Variants in SORCS2 observed in about 807,000 individuals in gnomAD.
SORCS2 encodes sortilin related VPS10 domain containing receptor 2.
Under a neutral mutation model 141.6 loss-of-function variants are expected in SORCS2, and 100 were observed. That is an observed-to-expected ratio of 0.71 (90% CI 0.60 to 0.83). The LOEUF is 0.83. Among genes scored for constraint, SORCS2 ranks in the 40% least tolerant of loss-of-function variants. The pLI, the probability that SORCS2 is intolerant of heterozygous loss-of-function variation, is 0.00. For synonymous variants in SORCS2, 789 were observed against 676.9 expected (o/e 1.17, Z -2.57); for missense variants, 1,646 against 1,560.2 (o/e 1.05, Z -0.93).
intron 2 of SORCS2, among the ~76,000 whole-genome samples, chr4:7,405,618 G>A (rs13103607): frequency 0.13 from 20,408 of 151,976 alleles, 1,562 homozygotes; most frequent in Non-Finnish European, 0.18. Context: ...AAATGGGATT[G>A]CCTTCTTGAT....
intron 2 of SORCS2, among the ~76,000 whole-genome samples, chr4:7,483,034 G>A (rs1408246047): frequency 6.6e-6 from 1 of 152,206 alleles, no homozygotes; most frequent in African/African-American, 2.4e-5. Flanking sequence ...ATGAAAAAAA[G>A]GAGAGGCCGG....
rs190298711 is a variant in SORCS2, at chr4:7,672,948, T to C, written c.1162-3102T>C. Among the ~76,000 whole-genome samples the C allele has an allele frequency of 2.3e-3, 356 of 152,310 alleles. 4 individuals are homozygous for C. The highest frequency in any genetic ancestry group is 1.5e-3 in the Non-Finnish European group (102 of 68,034). On this transcript the variant is annotated intron_variant, in intron 8 of 26. Coordinates refer to ENST00000507866, the MANE Select transcript of SORCS2 (RefSeq NM_020777.3). ...ACCTAATTCTACCTAATAACAAATATTGGCAACGTTGGTGTTTCCTTCCGC... is the reference window on the plus strand; with the variant it reads ...ACCTAATTCTACCTAATAACAAATACTGGCAACGTTGGTGTTTCCTTCCGC...
At chr4:7,512,919 CT>C (rs1407352476) in intron 2 of SORCS2, among the ~76,000 whole-genome samples, 1 of 152,190 alleles carries the variant, frequency 6.6e-6, no homozygotes, top group Non-Finnish European at 1.5e-5. Context: ...AGCCGTATTT[CT>C]TCCTTTTTCT....
intron 2 of SORCS2, among the ~76,000 whole-genome samples, chr4:7,461,817 A>T (rs1729329357): frequency 6.6e-6 from 1 of 151,882 alleles, no homozygotes; most frequent in Non-Finnish European, 1.5e-5. Flanking sequence ...GAACCCACAC[A>T]TCAAGCCCCA....
intron 1 of SORCS2, among the ~76,000 whole-genome samples, chr4:7,380,414 C>T (rs1446959774): frequency 6.6e-6 from 1 of 152,264 alleles, no homozygotes; most frequent in Admixed American, 6.5e-5. Context: ...AGCTCCCCGT[C>T]ACCGGACTCC....
At chr4:7,434,126 C>G (rs774177996) in intron 2 of SORCS2, 1 of 1,613,070 alleles carries the variant, frequency 6.2e-7, no homozygotes, top group Non-Finnish European at 8.5e-7. Flanking sequence ...TCACAGAATC[C>G]CCCCTTCCTG....
In SORCS2 at chr4:7,201,354, C is replaced by G. The variant is rs1727474489; in HGVS notation, c.480+8228C>G. On this transcript the variant is annotated intron_variant, in intron 1 of 26. Coordinates refer to ENST00000507866, the MANE Select transcript of SORCS2 (RefSeq NM_020777.3). This position sits in a 1 kb window ranked among gnomAD's most constrained non-coding sequence, Gnocchi z 4.4. Reference sequence around the variant, plus strand: ...TTGCTGAGCACATTTCACAAATCCACTTTTACTTTAATAAAGGGCGATTTA... The same window carrying G: ...TTGCTGAGCACATTTCACAAATCCAGTTTTACTTTAATAAAGGGCGATTTA... Among the ~76,000 whole-genome samples, 2 of 152,230 alleles carry G rather than the reference C, an allele frequency of 1.3e-5. No homozygotes were observed.
chr4:7,605,039 C>T (rs540038960), intron 3 of SORCS2, among the ~76,000 whole-genome samples: 7 of 152,318 alleles, frequency 4.6e-5, no homozygotes, highest in East Asian at 3.9e-4. Context: ...AGGATAGAAG[C>T]GTATTTCTCT....
intron 2 of SORCS2, among the ~76,000 whole-genome samples, chr4:7,451,445 G>A (rs932892262): frequency 2.6e-5 from 4 of 152,244 alleles, no homozygotes; most frequent in Non-Finnish European, 2.9e-5. Context: ...AGATATCCAC[G>A]AGGCACACCT....
chr4:7,537,994 G>A (rs1427985353), intron 3 of SORCS2, among the ~76,000 whole-genome samples: 1 of 152,136 alleles, frequency 6.6e-6, no homozygotes, highest in Non-Finnish European at 1.5e-5. Flanking sequence ...TCAAAAGAAA[G>A]AAAAGGGGGC....
intron 1 of SORCS2, among the ~76,000 whole-genome samples, chr4:7,255,049 G>A (rs914904675): frequency 6.6e-6 from 1 of 152,104 alleles, no homozygotes; most frequent in Admixed American, 6.5e-5. Flanking sequence ...GTGAGAGTGA[G>A]TGTGTGAGCG....
intron 2 of SORCS2, chr4:7,431,543 C>T (rs1726856012): frequency 6.6e-6 from 1 of 152,402 alleles, no homozygotes; most frequent in African/African-American, 2.4e-5. Context: ...CAGAGAGCCT[C>T]TGGGGCTGCT....
chr4:7,560,028 G>C (rs113970702), intron 3 of SORCS2, among the ~76,000 whole-genome samples: 1 of 152,186 alleles, frequency 6.6e-6, no homozygotes, highest in Non-Finnish European at 1.5e-5. Context: ...AATTAAAGGC[G>C]GGGAGGCTTC....
intron 3 of SORCS2, among the ~76,000 whole-genome samples, chr4:7,615,072 C>G (rs572599985): frequency 9.8e-5 from 15 of 152,328 alleles, no homozygotes; most frequent in African/African-American, 3.6e-4. Flanking sequence ...CACCATCTCT[C>G]TGTCTACCCA....
chr4:7,506,670 G>T (rs768144378), intron 2 of SORCS2, among the ~76,000 whole-genome samples: 5 of 152,314 alleles, frequency 3.3e-5, no homozygotes, highest in African/African-American at 1.2e-4. Context: ...CACTGAACTG[G>T]TAGGGCTGTG....
chr4:7,611,776 C>T (rs1718420817), intron 3 of SORCS2, among the ~76,000 whole-genome samples: 2 of 152,260 alleles, frequency 1.3e-5, no homozygotes, highest in African/African-American at 4.8e-5. Flanking sequence ...CCGTGAATGC[C>T]TCTTGCTGGC....
At chr4:7,723,979 AG>A in intron 19 of SORCS2, 96 bp downstream of exon 19, 1 of 1,386,200 alleles carries the variant, frequency 7.2e-7, no homozygotes, top group South Asian at 1.5e-5. Context: ...GGATTGCTCT[AG>A]GCCCCTGGTA....
At chr4:7,379,709 G>A (rs1246842195) in intron 1 of SORCS2, among the ~76,000 whole-genome samples, 5 of 152,106 alleles carry the variant, frequency 3.3e-5, no homozygotes, top group African/African-American at 9.7e-5. Flanking sequence ...TTTTAGATTC[G>A]TTCTCTAAGC....
intron 3 of SORCS2, among the ~76,000 whole-genome samples, chr4:7,560,740 G>C (rs1714476435): frequency 2.0e-5 from 3 of 152,302 alleles, no homozygotes; most frequent in Admixed American, 6.5e-5. Flanking sequence ...GCCTGCTGGA[G>C]AGGGGAGGGG....
Sources: allele counts gnomAD v4.1 joint callset (sites outside exome capture counted in the v4.1 genomes callset), GRCh38; gene constraint gnomAD v4.1.1; non-coding constraint Gnocchi (gnomAD v3.1); transcripts MANE v1.5; gene names NCBI Gene and HGNC (gene_info 2026-07-23, HGNC 2026-07-21).